The following RELN variants were observed in gnomAD, a reference collection of about 807,000 sequenced individuals.
RELN encodes the protein reelin.
Under a neutral mutation model 427.6 loss-of-function variants are expected in RELN, and 108 were observed. The ratio of observed to expected loss-of-function variants is 0.25; its 90% CI spans 0.22 to 0.30. The LOEUF (loss-of-function observed/expected upper bound fraction) is 0.30, where lower values mean the gene tolerates loss of function less well. Among genes scored for constraint, RELN ranks in the 10% least tolerant of loss-of-function variants. The pLI is 1.00. For synonymous variants in RELN, 1,524 were observed against 1,513.4 expected (o/e 1.01, Z -0.16); for missense variants, 3,715 against 4,302.8 (o/e 0.86, Z 3.82).
chr7:103,635,620 T>A, intron 18 of RELN, 34 bp from the exon 19 acceptor site: 1 of 1,555,494 alleles, frequency 6.4e-7, no homozygotes, highest in South Asian at 1.1e-5. Flanking sequence ...AGTGTATGCA[T>A]AAACATTTTT....
chr7:103,858,462 C>A (rs1793997242), intron 2 of RELN, among the ~76,000 whole-genome samples: 1 of 152,016 alleles, frequency 6.6e-6, no homozygotes, highest in Non-Finnish European at 1.5e-5. Flanking sequence ...AGTAACCAAG[C>A]CAAATACTCT....
chr7:103,878,213 A>G (rs1188981894), intron 2 of RELN, among the ~76,000 whole-genome samples: 2 of 151,752 alleles, frequency 1.3e-5, no homozygotes, highest in East Asian at 3.9e-4. Context: ...TCACACCCAC[A>G]ATTAAGCATC....
intron 11 of RELN, among the ~76,000 whole-genome samples, chr7:103,678,065 C>A (rs75541531): frequency 0.037 from 5,647 of 152,252 alleles, 156 homozygotes; most frequent in Non-Finnish European, 0.051. Context: ...GGGAAGACTA[C>A]AGCATACTGT....
intron 46 of RELN, among the ~76,000 whole-genome samples, chr7:103,530,812 A>C (rs1467885833): frequency 6.6e-6 from 1 of 152,150 alleles, no homozygotes; most frequent in African/African-American, 2.4e-5. Flanking sequence ...GGCTTTCACT[A>C]TCATCTCCCA....
Position 103,541,613 on chromosome 7 carries a change from C to T in RELN, c.6671+1118G>A, listed in dbSNP as rs552112612. On this transcript the variant is annotated intron_variant, in intron 43 of 64. Transcript: ENST00000428762. ...AAACATACATGGTTGGGTCTAGTGA[C>T]GTTTACATTTGTAAAAACAACAATC... Among the ~76,000 whole-genome samples, 7 of 152,210 alleles carry T rather than the reference C, an allele frequency of 4.6e-5. No individual in the cohort carries two copies. In the South Asian group the frequency reaches 1.0e-3, roughly 23 times the overall value.
Position 103,593,691 on chromosome 7 carries a change from T to C in RELN, c.3903A>G (p.Leu1301=), listed in dbSNP as rs1392665297. 1.2e-6 allele frequency: 2 copies of C among 1,613,340 alleles called. No homozygotes were observed. Among genetic ancestry groups the C allele is most frequent in the Non-Finnish European group, 1.7e-6 (2 of 1,179,436 alleles). Reference sequence around the variant, plus strand: ...GCTTGTGCATAAATACCTTGAACTGTAGCACATATCCAGGTTTCAGGGTCA... The same window carrying C: ...GCTTGTGCATAAATACCTTGAACTGCAGCACATATCCAGGTTTCAGGGTCA... The part of the protein sequence containing the change: ...RDLTLKPGYV[L]QFKLNIGCAN... The change falls in exon 27 of 65, where the codon CTA becomes CTG. Residue 1301 remains leucine (L), a synonymous_variant. Transcript: ENST00000428762.
chr7:103,495,600 T>A, intron 57 of RELN, 123 bp downstream of exon 57: 1 of 939,826 alleles, frequency 1.1e-6, no homozygotes, highest in Non-Finnish European at 1.7e-6. Flanking sequence ...CTTTTATTCA[T>A]AAGATAAAGT....
chr7:103,835,512 A>T (rs953445852), intron 2 of RELN, among the ~76,000 whole-genome samples: 1 of 152,144 alleles, frequency 6.6e-6, no homozygotes, highest in Non-Finnish European at 1.5e-5. Context: ...CTGAGGCAGG[A>T]TGTTGACGGT....
rs548706973 is a variant in RELN, at chr7:103,940,991, A to G, written c.227-23806T>C. Among the ~76,000 whole-genome samples, 7 of 152,348 alleles carry G rather than the reference A, an allele frequency of 4.6e-5. No individual in the cohort carries two copies. The South Asian group carries it at 1.2e-3, about 27-fold the overall frequency. On this transcript the variant is annotated intron_variant, in intron 1 of 64. Coordinates refer to ENST00000428762, the MANE Select transcript of RELN (RefSeq NM_005045.4). ...TAGTAACCTCTAATTCTAAAGGTCA[A>G]GAATGAATTGAGGTTAGCTTCTACG...
chr7:103,942,677 G>T (rs1584388474), intron 1 of RELN, among the ~76,000 whole-genome samples: 1 of 152,182 alleles, frequency 6.6e-6, no homozygotes, highest in African/African-American at 2.4e-5. Flanking sequence ...ACTTTGGGAG[G>T]CCAAGGCAGG....
At chr7:103,783,802 G>C (rs1791952192) in intron 3 of RELN, among the ~76,000 whole-genome samples, 1 of 152,138 alleles carries the variant, frequency 6.6e-6, no homozygotes, top group South Asian at 2.1e-4. Flanking sequence ...AATGGAGATG[G>C]AGGCTTTACG....
intron 4 of RELN, among the ~76,000 whole-genome samples, chr7:103,765,319 T>A (rs1344508698): frequency 6.6e-6 from 1 of 152,158 alleles, no homozygotes; most frequent in Non-Finnish European, 1.5e-5. Flanking sequence ...TGTGTCTTGG[T>A]CCTTCTCTTC....
intron 10 of RELN, 108 bp downstream of exon 10, chr7:103,697,745 A>C: frequency 6.8e-7 from 1 of 1,480,184 alleles, no homozygotes; most frequent in Non-Finnish European, 9.3e-7. Flanking sequence ...GTCCTTTAAT[A>C]GTGGTTTTGG....
chr7:103,615,527 A>G (rs1458003080), intron 20 of RELN, among the ~76,000 whole-genome samples: 1 of 152,204 alleles, frequency 6.6e-6, no homozygotes, highest in Admixed American at 6.5e-5. Flanking sequence ...TGTTTTGGAC[A>G]TCGTGATTTT....
chr7:103,749,599 T>C (rs1790942609), intron 5 of RELN, 95 bp from the exon 6 acceptor site: 4 of 924,422 alleles, frequency 4.3e-6, no homozygotes, highest in Non-Finnish European at 5.3e-6. Flanking sequence ...TGAAGAATAA[T>C]GTATCCTAAA....
rs1447854446 is a variant in RELN at position 103,874,291 on chromosome 7, T to C, written c.338-40619A>G. ...AACTGGAAGCATTCCCTTTGAAAAC[T>C]GGCACAAGACAGGGATGTCCTCTCT... On this transcript the variant is annotated intron_variant, in intron 2 of 64. Coordinates refer to ENST00000428762, the MANE Select transcript of RELN (RefSeq NM_005045.4). Among the ~76,000 whole-genome samples the C allele has an allele frequency of 2.4e-5, 3 of 125,394 alleles. 1 individual carries two copies. Among genetic ancestry groups the C allele is most frequent in the Non-Finnish European group, 5.2e-5 (3 of 57,840 alleles). 82.3% of individuals were successfully genotyped at this position (125,394 alleles called of 152,430 possible). A position where few individuals can be genotyped will look rare whatever the true frequency, so the allele number is the denominator to read the frequency against.
Position 103,817,937 on chromosome 7 carries a change from C to CAA in RELN, c.473+15598_473+15599dup, listed in dbSNP as rs71154371. Among the ~76,000 whole-genome samples the CAA allele has an allele frequency of 8.4e-3, 302 of 35,940 alleles. 8 individuals are homozygous for CAA. Among genetic ancestry groups the CAA allele is most frequent in the African/African-American group, 0.019 (120 of 6,466 alleles). 23.6% of individuals were successfully genotyped at this position (35,940 alleles called of 152,430 possible). On this transcript the variant is annotated intron_variant, in intron 3 of 64. Coordinates refer to ENST00000428762, the MANE Select transcript of RELN (RefSeq NM_005045.4). The stretch of plus-strand genomic sequence containing the variant: ...TGGGTGACAGAGTAAGACTCCATCT[C>CAA]AAAAAAAAAAAAAAAAAAAAAAAAG...
chr7:103,534,748 AT>A (rs1284177387), intron 46 of RELN, among the ~76,000 whole-genome samples: 2 of 152,108 alleles, frequency 1.3e-5, no homozygotes, highest in Admixed American at 1.3e-4. Context: ...GTACCAGGCA[AT>A]TTTATTAAGC....
At chr7:103,559,551 T>C (rs1052630265) in intron 36 of RELN, among the ~76,000 whole-genome samples, 3 of 151,626 alleles carry the variant, frequency 2.0e-5, no homozygotes, top group Admixed American at 6.6e-5. Flanking sequence ...CTCTTCCTTA[T>C]ACACTTGCAT....
Sources: allele counts gnomAD v4.1 joint callset (sites outside exome capture counted in the v4.1 genomes callset), GRCh38; gene constraint gnomAD v4.1.1; transcripts MANE v1.5; gene names NCBI Gene and HGNC (gene_info 2026-07-23, HGNC 2026-07-21).